COL5A1: variants seen among roughly 807,000 people sequenced by gnomAD.
COL5A1 encodes the protein collagen alpha-1(V) chain.
COL5A1 carries 16 observed loss-of-function variants against 263.7 expected under a neutral mutation model. That is an observed-to-expected ratio of 0.06 (90% CI 0.04 to 0.09). The LOEUF (loss-of-function observed/expected upper bound fraction) is 0.09, where lower values mean the gene tolerates loss of function less well. COL5A1 is among the 10% of genes least tolerant of loss of function. The pLI, the probability that COL5A1 is intolerant of heterozygous loss-of-function variation, is 1.00. For missense variants in COL5A1, 2,036 were observed against 2,540.5 expected (o/e 0.80, Z 4.27); for synonymous variants, 1,012 against 1,004.5 (o/e 1.01, Z -0.14).
chr9:134,691,736 C>T (rs962591123), intron 2 of COL5A1: 3 of 153,626 alleles, frequency 2.0e-5, no homozygotes, highest in Non-Finnish European at 2.9e-5. Context: ...TGGAGAACCT[C>T]ATCGCCTTGA....
Position 134,652,386 on chromosome 9 carries a change from G to A in COL5A1, c.109+10090G>A, listed in dbSNP as rs575393106. ...AGGAGATGCCCCAGGTGGAGCCATC[G>A]GGAGAGGGAGAGGGGGTGGGAGGGC... is the stretch of plus-strand genomic sequence containing the variant. On this transcript the variant is annotated intron_variant, in intron 1 of 65. Coordinates refer to ENST00000371817, the MANE Select transcript of COL5A1 (RefSeq NM_000093.5). This position sits in a 1 kb window ranked among gnomAD's most constrained non-coding sequence, Gnocchi z 4.4. 6.6e-6 allele frequency among the ~76,000 whole-genome samples: 1 copy of A among 151,626 alleles called. No homozygotes were observed. The highest frequency in any genetic ancestry group is 1.5e-5 in the Non-Finnish European group (1 of 67,868).
At chr9:134,711,692 C>G (rs1389198454) in intron 4 of COL5A1, among the ~76,000 whole-genome samples, 1 of 152,112 alleles carries the variant, frequency 6.6e-6, no homozygotes, top group African/African-American at 2.4e-5. Flanking sequence ...GTTAAGAGTT[C>G]CCATACTTAG....
intron 19 of COL5A1, 37 bp from the exon 20 acceptor site, chr9:134,763,656 C>A: frequency 6.2e-7 from 1 of 1,609,490 alleles, no homozygotes; most frequent in Non-Finnish European, 8.5e-7. Flanking sequence ...AGGCTAACAG[C>A]TCATTTCTCT....
rs990652346 is a variant in COL5A1 at position 134,652,482 on chromosome 9, T to A, written c.109+10186T>A. On this transcript the variant is annotated intron_variant, in intron 1 of 65. Transcript: ENST00000371817. The surrounding 1 kb of genome is among the most constrained non-coding windows in gnomAD (Gnocchi z 4.4). Reference sequence around the variant, plus strand: ...CCCTGAAACAGGTGGACATCATGGCTTCTCAGCCCAGGCCATTTGGGGACA... The same window carrying A: ...CCCTGAAACAGGTGGACATCATGGCATCTCAGCCCAGGCCATTTGGGGACA... Among the ~76,000 whole-genome samples, 1 of 152,152 alleles carries A rather than the reference T, an allele frequency of 6.6e-6. No individual in the cohort carries two copies. The highest frequency in any genetic ancestry group is 1.5e-5 in the Non-Finnish European group (1 of 68,026).
chr9:134,679,786 C>G (rs1832800865), intron 1 of COL5A1, among the ~76,000 whole-genome samples: 1 of 149,418 alleles, frequency 6.7e-6, no homozygotes, highest in African/African-American at 2.5e-5. Flanking sequence ...CGGAGGTGCC[C>G]CGGTGCTCTC....
chr9:134,789,016 G>A lies in COL5A1; in HGVS notation c.2647-139G>A, dbSNP rs1370832614. The A allele has an allele frequency of 1.4e-6, 1 of 726,212 alleles. No homozygotes were observed. 45.0% of individuals were successfully genotyped at this position (726,212 alleles called of 1,614,324 possible). A position where few individuals can be genotyped will look rare whatever the true frequency, so the allele number is the denominator to read the frequency against. On this transcript the variant is annotated intron_variant, in intron 31 of 65. Coordinates refer to ENST00000371817, the MANE Select transcript of COL5A1 (RefSeq NM_000093.5). The surrounding 1 kb of genome is among the most constrained non-coding windows in gnomAD (Gnocchi z 4.8). ...GGTGAGAAGGTAGGTAGACAGGTAGGTGGGTGGTTGGGTGGGTGGGCAGGT... is the reference window on the plus strand; with the variant it reads ...GGTGAGAAGGTAGGTAGACAGGTAGATGGGTGGTTGGGTGGGTGGGCAGGT...
intron 2 of COL5A1, among the ~76,000 whole-genome samples, chr9:134,695,711 G>A (rs954754782): frequency 1.7e-4 from 26 of 152,316 alleles, no homozygotes; most frequent in African/African-American, 2.9e-4. Context: ...ACTGGAGACC[G>A]TCTCTTCCTC....
chr9:134,788,936 A>G (rs1343083993), intron 31 of COL5A1, among the ~76,000 whole-genome samples: 1 of 147,154 alleles, frequency 6.8e-6, no homozygotes, highest in Non-Finnish European at 1.5e-5. Flanking sequence ...AGGTGGGTAG[A>G]CAGGCGGATG....
intron 32 of COL5A1, among the ~76,000 whole-genome samples, chr9:134,793,790 A>C (rs1328999517): frequency 1.3e-5 from 2 of 152,246 alleles, no homozygotes; most frequent in Admixed American, 1.3e-4. Context: ...TAATTTTCAT[A>C]TGCAAATATT....
At chr9:134,684,041 G>A (rs1005948929) in intron 1 of COL5A1, among the ~76,000 whole-genome samples, 3 of 152,206 alleles carry the variant, frequency 2.0e-5, no homozygotes, top group Non-Finnish European at 4.4e-5. Context: ...TCTCCTTCCC[G>A]AAAGCAGCGG....
chr9:134,652,770 AG>A lies in COL5A1; in HGVS notation c.109+10475del, dbSNP rs912930691. ...GAGGGCCTCTTCTTAGGCCGGGTCC[AG>A]CGTTTCTCCTCATGGTGTAGACCAG... On this transcript the variant is annotated intron_variant, in intron 1 of 65. Coordinates refer to ENST00000371817, the MANE Select transcript of COL5A1 (RefSeq NM_000093.5). This position sits in a 1 kb window ranked among gnomAD's most constrained non-coding sequence, Gnocchi z 4.4. 8 of 470,274 alleles carry A rather than the reference AG, an allele frequency of 1.7e-5. No homozygotes were observed. The highest frequency in any genetic ancestry group is 1.6e-4 in the African/African-American group (8 of 50,066). 29.1% of individuals were successfully genotyped at this position (470,274 alleles called of 1,614,324 possible). A position where few individuals can be genotyped will look rare whatever the true frequency, so the allele number is the denominator to read the frequency against.
At position 134,766,482 on chromosome 9, in the gene COL5A1, G is replaced by C; in HGVS notation, c.2117G>C (p.Gly706Ala). The C allele has an allele frequency of 6.2e-7, 1 of 1,614,158 alleles. No individual in the cohort carries two copies. Among genetic ancestry groups the C allele is most frequent in the Non-Finnish European group, 8.5e-7 (1 of 1,180,024 alleles). The change falls in exon 22 of 66, where the codon GGG becomes GCG. Residue 706 changes from glycine to alanine, a missense_variant. Coordinates refer to ENST00000371817, the MANE Select transcript of COL5A1 (RefSeq NM_000093.5). ...PGVTGMDGQP[G>A]PKGNVGPQGE... ...GTCACGGGTATGGACGGCCAGCCGG[G>C]GCCAAAAGGAAATGTGGTAAGTCCC...
At chr9:134,828,639 T>A in intron 63 of COL5A1, among the ~76,000 whole-genome samples, 1 of 84,452 alleles carries the variant, frequency 1.2e-5, no homozygotes, top group South Asian at 3.2e-4. Flanking sequence ...ACACACACGA[T>A]AAACACCACA....
At chr9:134,703,323 C>T (rs1461766584) in intron 4 of COL5A1, among the ~76,000 whole-genome samples, 1 of 152,200 alleles carries the variant, frequency 6.6e-6, no homozygotes, top group Non-Finnish European at 1.5e-5. Context: ...CCGTCCTCAG[C>T]CAGGCAGGAG....
intron 26 of COL5A1, among the ~76,000 whole-genome samples, 154 bp downstream of exon 26, chr9:134,772,988 C>A (rs538399635): frequency 6.6e-6 from 1 of 152,072 alleles, no homozygotes; most frequent in East Asian, 1.9e-4. Context: ...AGGGACCCAG[C>A]CTGGGGGGGA....
intron 64 of COL5A1, among the ~76,000 whole-genome samples, chr9:134,834,657 G>A (rs1839778412): frequency 6.6e-6 from 1 of 152,174 alleles, no homozygotes; most frequent in African/African-American, 2.4e-5. Context: ...GTAGGTGCAG[G>A]AGCATCTATT....
intron 1 of COL5A1, among the ~76,000 whole-genome samples, chr9:134,679,210 C>T (rs953145864): frequency 6.6e-6 from 1 of 152,148 alleles, no homozygotes; most frequent in Non-Finnish European, 1.5e-5. Flanking sequence ...CCTACCACCC[C>T]GCAGTCCCTC....
intron 1 of COL5A1, among the ~76,000 whole-genome samples, chr9:134,676,484 C>G (rs1832687569): frequency 6.6e-6 from 1 of 152,206 alleles, no homozygotes; most frequent in African/African-American, 2.4e-5. Flanking sequence ...CTGCTGTGAG[C>G]AAGCCTTGGA....
intron 18 of COL5A1, among the ~76,000 whole-genome samples, chr9:134,760,469 ATT>A (rs1328888602): frequency 4.2e-5 from 4 of 96,352 alleles, no homozygotes; most frequent in Admixed American, 2.4e-4. Flanking sequence ...ACACCCCCAC[ATT>A]CATACACACA....
Sources: gnomAD v4.1 joint callset for allele counts (sites outside exome capture counted in the v4.1 genomes callset) on GRCh38, gnomAD v4.1.1 for gene constraint, Gnocchi (gnomAD v3.1) non-coding constraint, MANE v1.5 for transcripts, NCBI Gene and HGNC (gene_info 2026-07-23, HGNC 2026-07-21) for gene names.